ZNF875: variants seen among roughly 807,000 people sequenced by gnomAD.
ZNF875 encodes zinc finger protein 875, also known as HKR1, GLI-Kruppel zinc finger family member.
Under a neutral mutation model 11.2 loss-of-function variants are expected in ZNF875, and 14 were observed. That is an observed-to-expected ratio of 1.26 (90% confidence interval 0.83 to 1.96). The LOEUF (loss-of-function observed/expected upper bound fraction) is 1.96. ZNF875 is among the 30% of genes most tolerant of loss of function. The probability of loss-of-function intolerance (pLI) is 0.00; values close to 1 mark genes in which losing one functional copy is unlikely to be tolerated. For missense variants in ZNF875, 752 were observed against 760.4 expected, an observed-to-expected ratio of 0.99 and a Z score of 0.13; for synonymous variants, 301 against 281.1, an observed-to-expected ratio of 1.07 and a Z score of -0.71.
At chr19:37,347,496 T>C in intron 3 of ZNF875, 180 bp downstream of exon 3, 1 of 630,964 alleles carries the variant, frequency 1.6e-6, no homozygotes, top group Non-Finnish European at 2.7e-6. Context: ...GATTTATTCA[T>C]GTTATGGATG....
intron 4 of ZNF875, among the ~76,000 whole-genome samples, chr19:37,329,578 A>G (rs1434381446): frequency 7.9e-5 from 12 of 152,198 alleles, no homozygotes; most frequent in South Asian, 2.1e-4. Context: ...TGTGTGGGTG[A>G]ACTCTCCACA....
intron 4 of ZNF875, among the ~76,000 whole-genome samples, chr19:37,352,632 A>C (rs558111768): frequency 2.6e-5 from 4 of 152,148 alleles, no homozygotes; most frequent in Admixed American, 1.3e-4. Context: ...CTTTGTATTT[A>C]AAATGAGTCT....
chr19:37,363,140 C>T lies in ZNF875; in HGVS notation c.1288C>T (p.His430Tyr). 1 of 1,613,112 alleles carries T rather than the reference C, an allele frequency of 6.2e-7. No homozygotes were observed. The highest frequency in any genetic ancestry group is 2.2e-5 in the East Asian group (1 of 44,688). The change falls in exon 5 of 5, where the codon CAC becomes TAC. Residue 430 changes from histidine (H) to tyrosine (Y), a missense_variant. Transcript: ENST00000392153. The stretch of plus-strand genomic sequence containing the variant: ...TTATGTATGCACAGAATGTGGGCGT[C>T]ACTTTAGCTGGAAATCAAACCTCAA... ...KPYVCTECGR[H>Y]FSWKSNLKTH...
chr19:37,328,968 T>C (rs1190176032), intron 4 of ZNF875: 2 of 152,020 alleles, frequency 1.3e-5, no homozygotes, highest in South Asian at 4.1e-4. Flanking sequence ...CACCTGAAAA[T>C]CATGCTGGAA....
At chr19:37,337,016 C>T (rs932084004) in intron 2 of ZNF875, among the ~76,000 whole-genome samples, 1 of 152,200 alleles carries the variant, frequency 6.6e-6, no homozygotes, top group Non-Finnish European at 1.5e-5. Context: ...CATTTGAGAG[C>T]ACTTTCAGCT....
At chr19:37,317,611 A>G (rs551922009), upstream of ZNF875, among the ~76,000 whole-genome samples, 4 of 152,338 alleles carry the variant, frequency 2.6e-5, no homozygotes, top group Admixed American at 2.0e-4. Context: ...AACAGCATCA[A>G]CTATTACTGC....
chr19:37,350,223 T>C lies in ZNF875; in HGVS notation c.256+2351T>C, dbSNP rs570271313. On this transcript the variant is annotated intron_variant, in intron 4 of 4. Transcript: ENST00000392153. ...GCCTATCAGGTTCAAGCAATTCTCC[T>C]GCCTCAGCCTCCCGAGTAGCTGGGA... is the stretch of plus-strand genomic sequence containing the variant. Among the ~76,000 whole-genome samples the C allele has an allele frequency of 5.4e-5, 8 of 147,836 alleles. No individual in the cohort carries two copies. The South Asian group carries it at 1.8e-3, about 33-fold the overall frequency.
Position 37,334,756 on chromosome 19 carries a change from A to G in ZNF875, c.-83A>G, listed in dbSNP as rs1196712121. ...ACCTTGTTACCTGACTTTCGGCTTC[A>G]GGATCCGCAGCGTGCACCCGCGTTC... is the stretch of plus-strand genomic sequence containing the variant. On this transcript the variant is annotated 5_prime_UTR_variant, in exon 1 of 5. Transcript: ENST00000392153. 4 of 456,188 alleles carry G rather than the reference A, an allele frequency of 8.8e-6. No individual in the cohort carries two copies. The highest frequency in any genetic ancestry group is 6.0e-5 in the African/African-American group (3 of 50,098). 28.3% of individuals were successfully genotyped at this position (456,188 alleles called of 1,614,324 possible).
chr19:37,344,607 C>A, intron 2 of ZNF875: 1 of 1,221,694 alleles, frequency 8.2e-7, no homozygotes, highest in Non-Finnish European at 1.2e-6. Context: ...ATTTATTTTT[C>A]AGCTGGCAAG....
At chr19:37,313,630 T>G (rs2030056247), upstream of ZNF875, among the ~76,000 whole-genome samples, 1 of 152,112 alleles carries the variant, frequency 6.6e-6, no homozygotes, top group Non-Finnish European at 1.5e-5. Context: ...CCCAGGGACC[T>G]CAGATTTCCC....
Position 37,363,400 on chromosome 19 carries a change from T to C in ZNF875, c.1548T>C (p.Asn516=), listed in dbSNP as rs779097107. The C allele has an allele frequency of 6.2e-7, 1 of 1,612,504 alleles. No individual in the cohort carries two copies. Among genetic ancestry groups the C allele is most frequent in the Non-Finnish European group, 8.5e-7 (1 of 1,179,530 alleles). The change falls in exon 5 of 5, where the codon AAT becomes AAC. Residue 516 remains asparagine, a synonymous_variant. Transcript: ENST00000392153. ...GTGCTGAGTGTGGACGAGGCTTTAA[T>C]GATAAGTCCACCCTCATTTCACACC... ...FVCAECGRGF[N]DKSTLISHQR...
At chr19:37,353,036 G>T (rs773901688) in intron 4 of ZNF875, among the ~76,000 whole-genome samples, 2 of 151,588 alleles carry the variant, frequency 1.3e-5, no homozygotes, top group Non-Finnish European at 2.9e-5. Flanking sequence ...ACTACGCCCA[G>T]CTAATTTTTG....
chr19:37,321,587 T>C (rs1393539816), intron 1 of ZNF875, among the ~76,000 whole-genome samples: 1 of 152,136 alleles, frequency 6.6e-6, no homozygotes, highest in Non-Finnish European at 1.5e-5. Flanking sequence ...CTTTTCTTTC[T>C]CTATACTTTG....
intron 4 of ZNF875, among the ~76,000 whole-genome samples, chr19:37,353,040 A>G (rs1225774839): frequency 6.6e-6 from 1 of 151,258 alleles, no homozygotes; most frequent in Non-Finnish European, 1.5e-5. Context: ...CGCCCAGCTA[A>G]TTTTTGTATT....
chr19:37,353,789 G>T (rs1426593032), intron 4 of ZNF875, among the ~76,000 whole-genome samples: 1 of 151,980 alleles, frequency 6.6e-6, no homozygotes, highest in African/African-American at 2.4e-5. Flanking sequence ...ATCTTCTCTG[G>T]CTGTCTTCAA....
chr19:37,356,856 T>G (rs1232830211), intron 4 of ZNF875, among the ~76,000 whole-genome samples: 1 of 152,220 alleles, frequency 6.6e-6, no homozygotes. Flanking sequence ...CATTTTTGTT[T>G]TTGTTGCAAT....
chr19:37,346,355 T>C (rs2036764142), intron 2 of ZNF875: 1 of 152,192 alleles, frequency 6.6e-6, no homozygotes, highest in African/African-American at 2.4e-5. Flanking sequence ...TGGACAGAGA[T>C]GGGTTCCAAA....
rs746100700 is a variant in ZNF875 at position 37,363,354 on chromosome 19, CAG to C, written c.1503_1504del (p.Lys504AlafsTer6). ...CTGAGCACGCACCAGAGGACACACT[CAG>C]GGGAGAAGCCATTTGTATGTGCTGA... On this transcript the variant is annotated frameshift_variant, in exon 5 of 5. Coordinates refer to ENST00000392153, the MANE Select transcript of ZNF875 (RefSeq NM_001353803.2). LOFTEE classifies it low-confidence loss of function (END_TRUNC). 100 of 1,610,964 alleles carry C rather than the reference CAG, an allele frequency of 6.2e-5. No individual in the cohort carries two copies. Among genetic ancestry groups the C allele is most frequent in the Admixed American group, 8.3e-5 (5 of 59,888 alleles).
intron 1 of ZNF875, among the ~76,000 whole-genome samples, chr19:37,322,021 C>T (rs1284622863): frequency 4.6e-5 from 7 of 152,196 alleles, no homozygotes; most frequent in Non-Finnish European, 1.0e-4. Flanking sequence ...TAGAACGGTC[C>T]TGCACAGAAC....
Sources: gnomAD v4.1 joint callset for allele counts (sites outside exome capture counted in the v4.1 genomes callset) on GRCh38, gnomAD v4.1.1 for gene constraint, MANE v1.5 for transcripts, NCBI Gene and HGNC (gene_info 2026-07-23, HGNC 2026-07-21) for gene names.